The following BICC1 variants were observed in gnomAD, a reference collection of about 807,000 sequenced individuals.
The protein encoded by BICC1 is BicC family RNA binding protein 1, also known as protein bicaudal C homolog 1.
Under a neutral mutation model 111.0 loss-of-function variants are expected in BICC1, and 43 were observed. That is an observed-to-expected ratio of 0.39 (90% CI 0.30 to 0.50). The LOEUF (loss-of-function observed/expected upper bound fraction) is 0.50, where lower values mean the gene tolerates loss of function less well. BICC1 is among the 20% of genes least tolerant of loss of function. The pLI is 0.88. For synonymous variants in BICC1, 467 were observed against 434.4 expected, an observed-to-expected ratio of 1.07 and a Z score of -0.93; for missense variants, 1,091 against 1,203.2, an observed-to-expected ratio of 0.91 and a Z score of 1.38.
intron 1 of BICC1, among the ~76,000 whole-genome samples, chr10:58,528,390 T>G (rs1649018): frequency 0.46 from 69,765 of 151,712 alleles, 17,096 homozygotes; most frequent in Admixed American, 0.62. Flanking sequence ...TTAATTATAT[T>G]TGTATCTAAT....
rs761154254 is a variant in BICC1, at chr10:58,687,405, AG to A, written c.238-14666del. On this transcript the variant is annotated intron_variant, in intron 2 of 20. Transcript: ENST00000373886. ...ACTACTGTCTTCAAAGCTGTCAGAC[AG>A]GGACGTTTAAGTCTGCAGAAGTTTC... 5.3e-4 allele frequency among the ~76,000 whole-genome samples: 81 copies of A among 152,360 alleles called. 2 individuals carry two copies. The highest frequency in any genetic ancestry group is 3.9e-3 in the Admixed American group (60 of 15,306).
chr10:58,818,209 C>T (rs1334573650), intron 19 of BICC1, among the ~76,000 whole-genome samples: 2 of 151,968 alleles, frequency 1.3e-5, no homozygotes, highest in Non-Finnish European at 2.9e-5. Context: ...TTAATTTATT[C>T]ATTAACTTAT....
rs567194063 is a variant in BICC1 at position 58,658,370 on chromosome 10, G to A, written c.237+37469G>A. ...GTCCAGCTAACTTTTTGTATTTTTAGTAGAGACGGGGTTTCACCATGTTGG... is the reference window on the plus strand; with the variant it reads ...GTCCAGCTAACTTTTTGTATTTTTAATAGAGACGGGGTTTCACCATGTTGG... On this transcript the variant is annotated intron_variant, in intron 2 of 20. Coordinates refer to ENST00000373886, the MANE Select transcript of BICC1 (RefSeq NM_001080512.3). 3.3e-4 allele frequency among the ~76,000 whole-genome samples: 50 copies of A among 152,198 alleles called. No homozygotes were observed. The South Asian group carries it at 9.8e-3, about 30-fold the overall frequency.
chr10:58,665,700 T>C (rs1038240034), intron 2 of BICC1, among the ~76,000 whole-genome samples: 6 of 152,214 alleles, frequency 3.9e-5, no homozygotes, highest in Non-Finnish European at 8.8e-5. Flanking sequence ...TCTGAGACTT[T>C]ATGTGTTTTG....
chr10:58,537,372 G>C (rs1842852320), intron 1 of BICC1, among the ~76,000 whole-genome samples: 1 of 150,992 alleles, frequency 6.6e-6, no homozygotes, highest in Non-Finnish European at 1.5e-5. Flanking sequence ...TGATGAAGTG[G>C]GTTTTATTCC....
At chr10:58,698,353 G>A (rs898767580) in intron 2 of BICC1, among the ~76,000 whole-genome samples, 4 of 152,156 alleles carry the variant, frequency 2.6e-5, no homozygotes, top group African/African-American at 9.7e-5. Context: ...GCAGGTACCA[G>A]CCCTCTCTTC....
chr10:58,828,567 G>A (rs1844465117), intron 20 of BICC1, among the ~76,000 whole-genome samples, 194 bp from the exon 21 acceptor site: 1 of 152,114 alleles, frequency 6.6e-6, no homozygotes, highest in Non-Finnish European at 1.5e-5. Flanking sequence ...CTATCAATAT[G>A]CTATCTTTAA....
At chr10:58,600,166 C>G (rs1442859489) in intron 1 of BICC1, among the ~76,000 whole-genome samples, 1 of 152,116 alleles carries the variant, frequency 6.6e-6, no homozygotes, top group Non-Finnish European at 1.5e-5. Context: ...TACAGCAGCA[C>G]TGTTTTGAGA....
chr10:58,657,199 A>T (rs559227916), intron 2 of BICC1, among the ~76,000 whole-genome samples: 1 of 152,054 alleles, frequency 6.6e-6, no homozygotes. Flanking sequence ...CTCAAATGCC[A>T]TTTTTTTCCA....
chr10:58,715,156 G>A (rs1480162530), intron 3 of BICC1, among the ~76,000 whole-genome samples: 2 of 152,122 alleles, frequency 1.3e-5, no homozygotes, highest in Non-Finnish European at 2.9e-5. Flanking sequence ...CCATTAAAGT[G>A]TGGCTTGTGG....
chr10:58,579,372 T>G (rs1450989379), intron 1 of BICC1, among the ~76,000 whole-genome samples: 1 of 152,240 alleles, frequency 6.6e-6, no homozygotes, highest in Non-Finnish European at 1.5e-5. Context: ...TTCCTGCTGG[T>G]GCTGACGTGT....
At chr10:58,519,973 A>C (rs888246142) in intron 1 of BICC1, among the ~76,000 whole-genome samples, 5 of 152,168 alleles carry the variant, frequency 3.3e-5, no homozygotes, top group African/African-American at 1.2e-4. Context: ...TTTAGAATTG[A>C]CAGGTTCAGT....
intron 3 of BICC1, among the ~76,000 whole-genome samples, chr10:58,765,855 A>G (rs1349771022): frequency 6.6e-6 from 1 of 152,194 alleles, no homozygotes; most frequent in Non-Finnish European, 1.5e-5. Context: ...TAAAGGAAAA[A>G]AGGTTCTGTT....
intron 1 of BICC1, among the ~76,000 whole-genome samples, chr10:58,607,811 G>A (rs1324284645): frequency 1.3e-5 from 2 of 152,152 alleles, no homozygotes; most frequent in Non-Finnish European, 2.9e-5. Context: ...CTGCTACATG[G>A]CTGTCTTATG....
intron 2 of BICC1, among the ~76,000 whole-genome samples, chr10:58,667,080 A>G (rs995289863): frequency 6.6e-6 from 1 of 152,116 alleles, no homozygotes; most frequent in Admixed American, 6.6e-5. Context: ...AGTGCCACTG[A>G]CAGTTTTAAG....
chr10:58,766,739 A>T (rs558412317), intron 3 of BICC1, among the ~76,000 whole-genome samples: 1 of 152,062 alleles, frequency 6.6e-6, no homozygotes, highest in Non-Finnish European at 1.5e-5. Context: ...CATTTTACCC[A>T]TGTCACCTCT....
intron 3 of BICC1, 87 bp from the exon 4 acceptor site, chr10:58,784,914 C>T: frequency 1.6e-6 from 1 of 609,586 alleles, no homozygotes; most frequent in East Asian, 2.9e-5. Context: ...CTCTTATGTT[C>T]TAGAGTCAAT....
At chr10:58,718,769 CGCGCGCGT>C (rs1160423798) in intron 3 of BICC1, among the ~76,000 whole-genome samples, 1 of 148,656 alleles carries the variant, frequency 6.7e-6, no homozygotes, top group African/African-American at 2.5e-5. Flanking sequence ...TGTGTGTGCG[CGCGCGCGT>C]GCGCGCGTGC....
chr10:58,803,536 T>C (rs1195233224), intron 15 of BICC1, among the ~76,000 whole-genome samples: 1 of 152,172 alleles, frequency 6.6e-6, no homozygotes, highest in African/African-American at 2.4e-5. Flanking sequence ...AATTTTCAGA[T>C]GAGTTTGCGG....
Sources: gnomAD v4.1 joint callset for allele counts (sites outside exome capture counted in the v4.1 genomes callset) on GRCh38, gnomAD v4.1.1 for gene constraint, MANE v1.5 for transcripts, NCBI Gene and HGNC (gene_info 2026-07-23, HGNC 2026-07-21) for gene names.